PSD3: variants seen among roughly 807,000 people sequenced by gnomAD.
PSD3 encodes PH and SEC7 domain-containing protein 3.
In PSD3, 49 loss-of-function variants were observed where a neutral mutation model predicts 105.5. The observed-to-expected ratio is 0.46, with a 90% CI of 0.37 to 0.59. The LOEUF (loss-of-function observed/expected upper bound fraction) is 0.59, where lower values mean the gene tolerates loss of function less well. Among genes scored for constraint, PSD3 ranks in the 20% least tolerant of loss-of-function variants. PSD3 has a pLI of 0.00. For missense variants in PSD3, 1,561 were observed against 1,263.8 expected (o/e 1.24, Z -3.57); for synonymous variants, 557 against 457.8 (o/e 1.22, Z -2.77).
chr8:18,665,779 A>T (rs543933706), intron 9 of PSD3, among the ~76,000 whole-genome samples: 7 of 152,200 alleles, frequency 4.6e-5, no homozygotes, highest in Non-Finnish European at 7.3e-5. Context: ...TGAGCCTGGG[A>T]GATCAAGGCT....
intron 8 of PSD3, among the ~76,000 whole-genome samples, chr8:18,777,433 A>G (rs927152478): frequency 2.0e-4 from 31 of 152,086 alleles, no homozygotes; most frequent in African/African-American, 6.5e-4. Context: ...TTATGCTCTG[A>G]CCTTTATTGT....
At chr8:18,664,882 C>G (rs1799356171) in intron 9 of PSD3, among the ~76,000 whole-genome samples, 1 of 152,212 alleles carries the variant, frequency 6.6e-6, no homozygotes, top group Non-Finnish European at 1.5e-5. Context: ...AGTGTAACAA[C>G]AAAGCCAGGA....
At chr8:18,774,844 C>T in intron 8 of PSD3, 1 of 455,890 alleles carries the variant, frequency 2.2e-6, no homozygotes, top group South Asian at 1.6e-5. Flanking sequence ...ACAGGTCTAC[C>T]TTCAGGTTGT....
intron 4 of PSD3, chr8:18,854,122 T>G (rs1195782668): frequency 1.3e-5 from 2 of 152,350 alleles, no homozygotes; most frequent in Non-Finnish European, 1.5e-5. Context: ...AGTCTGCCCA[T>G]AATTTTGTCA....
chr8:18,690,951 T>C (rs1800941146), intron 9 of PSD3, among the ~76,000 whole-genome samples: 1 of 151,958 alleles, frequency 6.6e-6, no homozygotes, highest in African/African-American at 2.4e-5. Context: ...ATCACTAGAA[T>C]CTAAGCTAAA....
At chr8:18,728,841 G>A (rs1585750688) in intron 9 of PSD3, among the ~76,000 whole-genome samples, 1 of 152,144 alleles carries the variant, frequency 6.6e-6, no homozygotes, top group East Asian at 1.9e-4. Context: ...AAAAAGCTAT[G>A]AAAATGAATA....
intron 9 of PSD3, among the ~76,000 whole-genome samples, chr8:18,708,257 T>G (rs1802019545): frequency 1.3e-5 from 2 of 152,276 alleles, no homozygotes; most frequent in Admixed American, 1.3e-4. Context: ...CTTTTCTTTC[T>G]TAGGATTTAG....
intron 9 of PSD3, among the ~76,000 whole-genome samples, chr8:18,659,085 C>T (rs1452521167): frequency 6.6e-6 from 1 of 152,142 alleles, no homozygotes; most frequent in Non-Finnish European, 1.5e-5. Context: ...TTCTATGACT[C>T]GGCCCATCTC....
At chr8:18,880,240 G>C (rs936510905) in intron 2 of PSD3, among the ~76,000 whole-genome samples, 3 of 152,034 alleles carry the variant, frequency 2.0e-5, no homozygotes, top group African/African-American at 7.2e-5. Flanking sequence ...GATTTTTTAA[G>C]CTGCTCCCTT....
intron 1 of PSD3, among the ~76,000 whole-genome samples, chr8:18,939,624 T>C (rs1325485017): frequency 6.6e-6 from 1 of 152,018 alleles, no homozygotes; most frequent in East Asian, 1.9e-4. Context: ...TTGGGATACA[T>C]ATATTATCAT....
intron 1 of PSD3, among the ~76,000 whole-genome samples, chr8:19,019,480 C>T (rs1827291887): frequency 6.6e-6 from 1 of 152,098 alleles, no homozygotes; most frequent in African/African-American, 2.4e-5. Flanking sequence ...AGCGGGCTGC[C>T]TACAACTGCT....
At chr8:19,044,851 A>AGCATGT (rs1463612885) in intron 1 of PSD3, among the ~76,000 whole-genome samples, 1 of 152,198 alleles carries the variant, frequency 6.6e-6, no homozygotes, top group Non-Finnish European at 1.5e-5. Flanking sequence ...TGAAGGCTTA[A>AGCATGT]GCATGTTCCA....
intron 14 of PSD3, among the ~76,000 whole-genome samples, chr8:18,562,573 C>A (rs1348236037): frequency 6.6e-6 from 1 of 152,140 alleles, no homozygotes; most frequent in East Asian, 1.9e-4. Flanking sequence ...GGTTACTCAC[C>A]TTGCTCCAAA....
chr8:19,029,214 T>C (rs1171728741), intron 1 of PSD3, among the ~76,000 whole-genome samples: 1 of 152,216 alleles, frequency 6.6e-6, no homozygotes, highest in Non-Finnish European at 1.5e-5. Context: ...ATGATGTCAA[T>C]TGGGATGGCA....
At chr8:18,713,621 G>A (rs1382449819) in intron 9 of PSD3, among the ~76,000 whole-genome samples, 1 of 152,010 alleles carries the variant, frequency 6.6e-6, no homozygotes, top group African/African-American at 2.4e-5. Context: ...CTCTGCCCAA[G>A]GAAATCAGAT....
chr8:18,793,525 G>C (rs1809945641), intron 8 of PSD3, among the ~76,000 whole-genome samples: 1 of 151,958 alleles, frequency 6.6e-6, no homozygotes. Context: ...TAATAATTTA[G>C]GAAAAAAAGC....
intron 1 of PSD3, among the ~76,000 whole-genome samples, chr8:19,045,363 A>C (rs1254361241): frequency 2.0e-5 from 3 of 152,340 alleles, no homozygotes; most frequent in South Asian, 2.1e-4. Flanking sequence ...AAAAGTTGAC[A>C]AGGGACCTGT....
At chr8:19,038,098 G>C (rs556618684) in intron 1 of PSD3, among the ~76,000 whole-genome samples, 1 of 151,938 alleles carries the variant, frequency 6.6e-6, no homozygotes, top group African/African-American at 2.4e-5. Flanking sequence ...CCTGTGCAGT[G>C]CTTATCAAAC....
intron 12 of PSD3, among the ~76,000 whole-genome samples, chr8:18,587,065 A>C (rs547990329): frequency 6.6e-6 from 1 of 152,146 alleles, no homozygotes; most frequent in Non-Finnish European, 1.5e-5. Flanking sequence ...TCCTCTCCTC[A>C]CCCAAATAGT....
Sources: gnomAD v4.1 joint callset for allele counts (sites outside exome capture counted in the v4.1 genomes callset) on GRCh38, gnomAD v4.1.1 for gene constraint, MANE v1.5 for transcripts, NCBI Gene and HGNC (gene_info 2026-07-23, HGNC 2026-07-21) for gene names.